Variants in PANK2 observed in about 807,000 individuals in gnomAD.
PANK2 encodes pantothenate kinase 2, mitochondrial.
Under a neutral mutation model 43.1 loss-of-function variants are expected in PANK2, and 36 were observed. The observed-to-expected ratio is 0.84, with a 90% CI of 0.64 to 1.10. PANK2 has a LOEUF of 1.10. Among genes scored for constraint, PANK2 ranks in the 50% least tolerant of loss-of-function variants. The pLI, the probability that PANK2 is intolerant of heterozygous loss-of-function variation, is 0.00. For missense variants in PANK2, 576 were observed against 593.3 expected, an observed-to-expected ratio of 0.97 and a Z score of 0.30; for synonymous variants, 281 against 238.2, an observed-to-expected ratio of 1.18 and a Z score of -1.66.
chr20:3,906,042 C>T (rs1422660915), intron 1 of PANK2, among the ~76,000 whole-genome samples: 2 of 151,944 alleles, frequency 1.3e-5, no homozygotes, highest in African/African-American at 2.4e-5. Flanking sequence ...GTAATTTCTA[C>T]GATTTAGATT....
At chr20:3,922,060 G>C (rs2090655514) in intron 6 of PANK2, among the ~76,000 whole-genome samples, 3 of 152,168 alleles carry the variant, frequency 2.0e-5, no homozygotes, top group Admixed American at 2.0e-4. Context: ...AAAGCCTTTG[G>C]CCTCTCGTTT....
At position 3,924,881 on chromosome 20, in the gene PANK2, G is replaced by T. The variant is rs1055525567; in HGVS notation, c.*1587G>T. 6.5e-6 allele frequency: 1 copy of T among 152,778 alleles called. No individual in the cohort carries two copies. The highest frequency in any genetic ancestry group is 2.4e-5 in the African/African-American group (1 of 41,460). The allele number at this position is 152,778 out of a possible 1,614,324, so 9.5% of individuals were successfully genotyped here. On this transcript the variant is annotated 3_prime_UTR_variant, in exon 7 of 7. Coordinates refer to ENST00000610179, the MANE Select transcript of PANK2 (RefSeq NM_001386393.1). ...CTTGCTCACTTCCCATGGAGACCGAGGCCAGGGCCTGCCCCTCTGAGGCCC... is the reference window on the plus strand; with the variant it reads ...CTTGCTCACTTCCCATGGAGACCGATGCCAGGGCCTGCCCCTCTGAGGCCC...
At chr20:3,906,916 A>G (rs1305058906) in intron 1 of PANK2, among the ~76,000 whole-genome samples, 1 of 151,384 alleles carries the variant, frequency 6.6e-6, no homozygotes, top group Non-Finnish European at 1.5e-5. Context: ...CTCCTGCCTC[A>G]GCCTCCGGAG....
chr20:3,909,903 T>G (rs1306714796), intron 2 of PANK2, among the ~76,000 whole-genome samples: 3 of 152,220 alleles, frequency 2.0e-5, no homozygotes, highest in Admixed American at 1.3e-4. Flanking sequence ...ATCCTCTTCA[T>G]TTTTAGTTGC....
chr20:3,900,773 T>C (rs2090287499), intron 1 of PANK2, among the ~76,000 whole-genome samples: 1 of 151,880 alleles, frequency 6.6e-6, no homozygotes, highest in African/African-American at 2.4e-5. Context: ...TTAAATTATT[T>C]TTAAGTTTTT....
At chr20:3,890,200 T>C (rs769573529) in intron 1 of PANK2, among the ~76,000 whole-genome samples, 1 of 152,202 alleles carries the variant, frequency 6.6e-6, no homozygotes, top group Non-Finnish European at 1.5e-5. Context: ...AACTGCCCCT[T>C]GAGTTGCACC....
At chr20:3,915,040 G>A (rs1265497266) in intron 4 of PANK2, among the ~76,000 whole-genome samples, 6 of 152,152 alleles carry the variant, frequency 3.9e-5, no homozygotes, top group Non-Finnish European at 1.5e-5. Context: ...TCCCTTATTA[G>A]ATACATAATT....
chr20:3,908,392 C>A, intron 2 of PANK2, 114 bp downstream of exon 2: 2 of 1,068,616 alleles, frequency 1.9e-6, no homozygotes, highest in Non-Finnish European at 2.7e-6. Flanking sequence ...TTTCTTGAGT[C>A]AAATGAAGAT....
intron 6 of PANK2, among the ~76,000 whole-genome samples, chr20:3,921,022 C>T (rs1207274643): frequency 6.6e-6 from 1 of 152,134 alleles, no homozygotes; most frequent in Non-Finnish European, 1.5e-5. Flanking sequence ...CTCTTGTGTG[C>T]ATCTCTGCCC....
intron 1 of PANK2, among the ~76,000 whole-genome samples, chr20:3,903,657 T>C (rs2090341761): frequency 6.6e-6 from 1 of 150,696 alleles, no homozygotes; most frequent in Non-Finnish European, 1.5e-5. Context: ...AGATGGAGTC[T>C]CACTCCGTTG....
At chr20:3,916,868 G>C in intron 4 of PANK2, 59 bp from the exon 5 acceptor site, 4 of 1,609,622 alleles carry the variant, frequency 2.5e-6, no homozygotes, top group Non-Finnish European at 3.4e-6. Flanking sequence ...TAACATTCAA[G>C]TTCTGTTGGG....
intron 1 of PANK2, among the ~76,000 whole-genome samples, chr20:3,898,446 C>T (rs764728824): frequency 1.3e-5 from 2 of 152,130 alleles, no homozygotes; most frequent in Non-Finnish European, 2.9e-5. Context: ...GTCATCCACT[C>T]GCCTCGGCCT....
upstream of PANK2, chr20:3,889,373 G>C (rs370260803): frequency 5.1e-6 from 8 of 1,575,334 alleles, no homozygotes; most frequent in African/African-American, 9.4e-5. Context: ...GCGGCCGGCC[G>C]AGGGCGCGCC....
At chr20:3,917,754 T>A (rs2090585390) in intron 5 of PANK2, among the ~76,000 whole-genome samples, 1 of 152,240 alleles carries the variant, frequency 6.6e-6, no homozygotes, top group Admixed American at 6.5e-5. Context: ...TTGTCTCATT[T>A]TAAATTAAAA....
rs1327026497 is a variant in PANK2 at position 3,927,603 on chromosome 20, C to G, written c.*4309C>G. On this transcript the variant is annotated 3_prime_UTR_variant, in exon 7 of 7. Transcript: ENST00000610179. ...CTACAAGACGAAAAAGTGCCCCGTT[C>G]CTGGCAATGATGTCAGAAGACCAAG... is the stretch of plus-strand genomic sequence containing the variant. The G allele has an allele frequency of 2.6e-5, 4 of 152,180 alleles. No individual in the cohort carries two copies. The highest frequency in any genetic ancestry group is 9.7e-5 in the African/African-American group (4 of 41,440). The allele number at this position is 152,180 out of a possible 1,614,324, so 9.4% of individuals were successfully genotyped here.
chr20:3,919,452 A>G (rs546081037), intron 6 of PANK2, among the ~76,000 whole-genome samples: 5 of 151,854 alleles, frequency 3.3e-5, no homozygotes, highest in Non-Finnish European at 7.4e-5. Context: ...GCCAGTTTTT[A>G]TATATTGTTG....
At chr20:3,888,948 C>A, upstream of PANK2, 1 of 572,506 alleles carries the variant, frequency 1.7e-6, no homozygotes, top group Non-Finnish European at 2.9e-6. Context: ...CGACCAGCGG[C>A]CAGACGCTGC....
chr20:3,914,927 G>A lies in PANK2; in HGVS notation c.1083-2000G>A, dbSNP rs1600558754. On this transcript the variant is annotated intron_variant, in intron 4 of 6. Transcript: ENST00000610179. Reference sequence around the variant, plus strand: ...GCCCAGCCCGAACATCTTTTCATGTGTTTACTGGCCATCTGTCTGTAGTCT... The same window carrying A: ...GCCCAGCCCGAACATCTTTTCATGTATTTACTGGCCATCTGTCTGTAGTCT... 3.9e-5 allele frequency among the ~76,000 whole-genome samples: 6 copies of A among 152,108 alleles called. No individual in the cohort carries two copies. In the South Asian group the frequency reaches 1.2e-3, roughly 32 times the overall value.
At position 3,889,439 on chromosome 20, in the gene PANK2, C is replaced by T. The variant is rs1285286891; in HGVS notation, c.9C>T (p.Gly3=). The T allele has an allele frequency of 2.6e-6, 4 of 1,557,026 alleles. No individual in the cohort carries two copies. Among genetic ancestry groups the T allele is most frequent in the Non-Finnish European group, 3.5e-6 (4 of 1,157,272 alleles). Residue 3 remains glycine, a synonymous_variant, in exon 1 of 7, where the codon GGC becomes GGT. Transcript: ENST00000610179. ...CGAGAAGGAATCCGACGCTGGGGGG[C>T]TTGCTCGGGCGGCAGCGACTGCTGC...
Sources: allele counts gnomAD v4.1 joint callset (sites outside exome capture counted in the v4.1 genomes callset), GRCh38; gene constraint gnomAD v4.1.1; transcripts MANE v1.5; gene names NCBI Gene and HGNC (gene_info 2026-07-23, HGNC 2026-07-21).